The following ARID4B variants were observed in gnomAD, a reference collection of about 807,000 sequenced individuals.
The protein encoded by ARID4B is AT-rich interactive domain-containing protein 4B.
In ARID4B, 26 loss-of-function variants were observed where a neutral mutation model predicts 147.5. That is an observed-to-expected ratio of 0.18 (90% CI 0.13 to 0.24). The LOEUF (loss-of-function observed/expected upper bound fraction) is 0.24. Among genes scored for constraint, ARID4B ranks in the 10% least tolerant of loss-of-function variants. The pLI is 1.00. For synonymous variants in ARID4B, 512 were observed against 507.9 expected (o/e 1.01, Z -0.11); for missense variants, 1,179 against 1,511.5 (o/e 0.78, Z 3.65).
Position 235,198,738 on chromosome 1 carries a change from T to C in ARID4B, c.1842-2623A>G, listed in dbSNP as rs187474339. 1.9e-3 allele frequency among the ~76,000 whole-genome samples: 287 copies of C among 152,340 alleles called. 1 individual carries two copies. Among genetic ancestry groups the C allele is most frequent in the African/African-American group, 6.7e-3 (277 of 41,582 alleles). Reference sequence around the variant, plus strand: ...CACAAAAATAAATTCTTAAATTAGATGAAACAAACTACATACATAGTTGTA... The same window carrying C: ...CACAAAAATAAATTCTTAAATTAGACGAAACAAACTACATACATAGTTGTA... On this transcript the variant is annotated intron_variant, in intron 17 of 23. Transcript: ENST00000264183.
chr1:235,274,269 G>C (rs1671170631), intron 2 of ARID4B, among the ~76,000 whole-genome samples: 1 of 152,080 alleles, frequency 6.6e-6, no homozygotes, highest in African/African-American at 2.4e-5. Context: ...GGCTACTTGG[G>C]AGGTTGAGGC....
chr1:235,286,582 T>C (rs1671989273), intron 2 of ARID4B, among the ~76,000 whole-genome samples: 1 of 152,108 alleles, frequency 6.6e-6, no homozygotes, highest in South Asian at 2.1e-4. Context: ...GTAAAAGAAT[T>C]CTGATGGGTT....
intron 2 of ARID4B, among the ~76,000 whole-genome samples, chr1:235,299,184 T>C (rs918152408): frequency 6.6e-5 from 10 of 152,198 alleles, no homozygotes; most frequent in Admixed American, 3.3e-4. Context: ...AAGAAGCTTT[T>C]TGGTGTTTTC....
At position 235,220,506 on chromosome 1, in the gene ARID4B, G is replaced by A; in HGVS notation, c.1203C>T (p.Asn401=). 6.2e-7 allele frequency: 1 copy of A among 1,612,198 alleles called. No homozygotes were observed. The highest frequency in any genetic ancestry group is 8.5e-7 in the Non-Finnish European group (1 of 1,178,772). ...YGFEEYCRSA[N]IEFQMALPEK... is the part of the protein sequence containing the mutation. ...CTGGCAATGCCATCTGAAATTCAATGTTGGCTGATCTACAGTACTCCTCAA... is the reference window on the plus strand; with the variant it reads ...CTGGCAATGCCATCTGAAATTCAATATTGGCTGATCTACAGTACTCCTCAA... Residue 401 remains asparagine, a synonymous_variant, in exon 15 of 24, where the codon AAC becomes AAT. Coordinates refer to ENST00000264183, the MANE Select transcript of ARID4B (RefSeq NM_016374.6).
chr1:235,275,078 A>G lies in ARID4B; in HGVS notation c.7-14326T>C, dbSNP rs146952490. On this transcript the variant is annotated intron_variant, in intron 2 of 23. Transcript: ENST00000264183. ...TGACTATGCACATATGAGGGACCCAACAAATCATATTTTAATAAGTAAAAT... is the reference window on the plus strand; with the variant it reads ...TGACTATGCACATATGAGGGACCCAGCAAATCATATTTTAATAAGTAAAAT... Among the ~76,000 whole-genome samples the G allele has an allele frequency of 5.2e-4, 79 of 152,268 alleles. No individual in the cohort carries two copies. The East Asian group carries it at 9.4e-3, about 18-fold the overall frequency.
chr1:235,243,036 A>G (rs931733279), intron 7 of ARID4B, among the ~76,000 whole-genome samples: 1 of 151,856 alleles, frequency 6.6e-6, no homozygotes, highest in African/African-American at 2.4e-5. Context: ...TTAATTCGCT[A>G]TCTCCTCCCC....
intron 19 of ARID4B, among the ~76,000 whole-genome samples, chr1:235,185,809 T>C (rs976640031): frequency 2.0e-5 from 3 of 152,214 alleles, no homozygotes; most frequent in Non-Finnish European, 2.9e-5. Context: ...GCCATAACCT[T>C]CCTTTGGTTT....
At chr1:235,222,422 C>A (rs16832479) in intron 13 of ARID4B, among the ~76,000 whole-genome samples, 1 of 152,092 alleles carries the variant, frequency 6.6e-6, no homozygotes, top group Non-Finnish European at 1.5e-5. Context: ...TCGTACATCA[C>A]GTCAACCTTA....
intron 17 of ARID4B, among the ~76,000 whole-genome samples, chr1:235,207,469 G>C (rs772091587): frequency 3.2e-4 from 49 of 152,200 alleles, no homozygotes; most frequent in Non-Finnish European, 6.0e-4. Context: ...TAAAGCAAAA[G>C]GAGAGAAAAA....
At chr1:235,308,807 C>T (rs1673780982) in intron 2 of ARID4B, among the ~76,000 whole-genome samples, 1 of 152,076 alleles carries the variant, frequency 6.6e-6, no homozygotes, top group Admixed American at 6.5e-5. Context: ...AGTGCAGTGG[C>T]GTGATCTCGG....
chr1:235,253,583 T>G (rs1669774043), intron 5 of ARID4B, among the ~76,000 whole-genome samples: 1 of 152,224 alleles, frequency 6.6e-6, no homozygotes, highest in Admixed American at 6.5e-5. Context: ...TACATATACA[T>G]TTATATGATT....
chr1:235,234,601 T>A, intron 8 of ARID4B, 109 bp from the exon 9 acceptor site: 3 of 776,110 alleles, frequency 3.9e-6, no homozygotes, highest in Non-Finnish European at 6.1e-6. Flanking sequence ...TAAAAACTAA[T>A]TTTAGTTTGA....
rs370429662 is a variant in ARID4B, at chr1:235,215,547, A to ATGTGTGTGTGTGTGTGTG, written c.1584-1539_1584-1522dup. Among the ~76,000 whole-genome samples the ATGTGTGTGTGTGTGTGTG allele has an allele frequency of 2.8e-3, 385 of 136,438 alleles. 1 individual carries two copies. The highest frequency in any genetic ancestry group is 5.1e-3 in the Non-Finnish European group (327 of 63,976). The allele number at this position is 136,438 out of a possible 152,430, so 89.5% of individuals were successfully genotyped here. A position where few individuals can be genotyped will look rare whatever the true frequency, so the allele number is the denominator to read the frequency against. On this transcript the variant is annotated intron_variant, in intron 16 of 23. Coordinates refer to ENST00000264183, the MANE Select transcript of ARID4B (RefSeq NM_016374.6). Reference sequence around the variant, plus strand: ...TATATTACACCATGCACACATATATATGTGTGTGTGTGTGTGTGTGTGTGT... The same window carrying ATGTGTGTGTGTGTGTGTG: ...TATATTACACCATGCACACATATATATGTGTGTGTGTGTGTGTGTGTGTGTGTGTGTGTGTGTGTGTGT...
intron 9 of ARID4B, 69 bp from the exon 10 acceptor site, chr1:235,231,258 C>T (rs1668215329): frequency 1.3e-6 from 1 of 795,418 alleles, no homozygotes; most frequent in Middle Eastern, 3.7e-4. Flanking sequence ...ATTAAGAATC[C>T]AGATGATTAC....
chr1:235,213,219 T>A (rs1459876446), intron 17 of ARID4B, among the ~76,000 whole-genome samples: 1 of 152,184 alleles, frequency 6.6e-6, no homozygotes, highest in African/African-American at 2.4e-5. Context: ...TCTATTTTAG[T>A]GAAGCAGGTC....
At chr1:235,309,432 A>G (rs1380361614) in intron 2 of ARID4B, among the ~76,000 whole-genome samples, 3 of 144,846 alleles carry the variant, frequency 2.1e-5, no homozygotes, top group Admixed American at 6.7e-5. Flanking sequence ...TGGGGGGGTC[A>G]GCCCCCCGCC....
intron 8 of ARID4B, among the ~76,000 whole-genome samples, chr1:235,238,581 C>G (rs142239653): frequency 4.0e-4 from 61 of 152,276 alleles, no homozygotes; most frequent in African/African-American, 1.4e-3. Context: ...GTGGGCTGGG[C>G]TCAGTAGCCC....
chr1:235,242,116 C>G (rs932697128), intron 7 of ARID4B, among the ~76,000 whole-genome samples: 1 of 151,778 alleles, frequency 6.6e-6, no homozygotes, highest in African/African-American at 2.4e-5. Context: ...GGCATGGTGG[C>G]GGGTGCCTGT....
chr1:235,181,376 G>C (rs1055381650), intron 20 of ARID4B: 3 of 739,516 alleles, frequency 4.1e-6, no homozygotes, highest in Non-Finnish European at 6.2e-6. Context: ...GCCATGGATG[G>C]CTCAAGCAAA....
Sources: gnomAD v4.1 joint callset for allele counts (sites outside exome capture counted in the v4.1 genomes callset) on GRCh38, gnomAD v4.1.1 for gene constraint, MANE v1.5 for transcripts, NCBI Gene and HGNC (gene_info 2026-07-23, HGNC 2026-07-21) for gene names.